The following ADARB2 variants were observed in gnomAD, a reference collection of about 807,000 sequenced individuals.
ADARB2 encodes inactive double-stranded RNA-specific editase B2.
Under a neutral mutation model 62.2 loss-of-function variants are expected in ADARB2, and 25 were observed. That is an observed-to-expected ratio of 0.40 (90% confidence interval 0.29 to 0.56). The LOEUF is 0.56. ADARB2 is among the 20% of genes least tolerant of loss of function. The probability of loss-of-function intolerance (pLI) is 0.43; values close to 1 mark genes in which losing one functional copy is unlikely to be tolerated. For synonymous variants in ADARB2, 572 were observed against 500.8 expected, an observed-to-expected ratio of 1.14 and a Z score of -1.90; for missense variants, 1,071 against 1,077.4, an observed-to-expected ratio of 0.99 and a Z score of 0.08.
intron 1 of ADARB2, among the ~76,000 whole-genome samples, chr10:1,611,102 A>G (rs762900176): frequency 2.0e-5 from 3 of 152,100 alleles, no homozygotes; most frequent in Non-Finnish European, 2.9e-5. Flanking sequence ...CTCCCCAAAC[A>G]TACAAAGGGC....
chr10:1,458,413 T>A (rs907613980), intron 1 of ADARB2, among the ~76,000 whole-genome samples: 12 of 152,152 alleles, frequency 7.9e-5, no homozygotes, highest in Admixed American at 1.3e-4. Context: ...GGCTTTTCTA[T>A]GAAATTAAGC....
chr10:1,418,195 G>C (rs992127390), intron 1 of ADARB2, among the ~76,000 whole-genome samples: 1 of 152,196 alleles, frequency 6.6e-6, no homozygotes, highest in Non-Finnish European at 1.5e-5. Flanking sequence ...TTTTGTTAAA[G>C]TGTCCACAGA....
chr10:1,242,402 A>G (rs1032638970), intron 4 of ADARB2, 103 bp from the exon 5 acceptor site: 1 of 1,376,640 alleles, frequency 7.3e-7, no homozygotes, highest in African/African-American at 1.5e-5. Context: ...TGGGTTAGGA[A>G]ACCTTGGAAA....
intron 2 of ADARB2, among the ~76,000 whole-genome samples, chr10:1,371,347 G>T (rs1832370331): frequency 6.6e-6 from 1 of 152,114 alleles, no homozygotes; most frequent in Non-Finnish European, 1.5e-5. Flanking sequence ...AATCCTACAA[G>T]AAAACCTAGG....
chr10:1,333,657 C>T (rs535575708), intron 3 of ADARB2, among the ~76,000 whole-genome samples: 1 of 152,104 alleles, frequency 6.6e-6, no homozygotes, highest in Non-Finnish European at 1.5e-5. Context: ...AGAAAGGAGG[C>T]TGGGGAAAGA....
chr10:1,349,867 C>T (rs1002935470), intron 3 of ADARB2, among the ~76,000 whole-genome samples: 3 of 152,122 alleles, frequency 2.0e-5, no homozygotes, highest in African/African-American at 7.2e-5. Context: ...CTTGGTCATT[C>T]ACCCACGTTC....
chr10:1,586,587 C>T (rs1455046563), intron 1 of ADARB2, among the ~76,000 whole-genome samples: 1 of 152,200 alleles, frequency 6.6e-6, no homozygotes, highest in Non-Finnish European at 1.5e-5. Context: ...ATCTGCTCAC[C>T]TTACTCAATC....
At chr10:1,213,758 A>C (rs1837192546) in intron 7 of ADARB2, among the ~76,000 whole-genome samples, 1 of 152,210 alleles carries the variant, frequency 6.6e-6, no homozygotes, top group Admixed American at 6.5e-5. Context: ...GAAGCAGTGT[A>C]GACCTTTGTT....
chr10:1,278,955 G>A (rs545980911), intron 3 of ADARB2, among the ~76,000 whole-genome samples: 3 of 152,254 alleles, frequency 2.0e-5, no homozygotes, highest in Admixed American at 6.5e-5. Flanking sequence ...CTGCGTGTAT[G>A]GATAAGTGAA....
chr10:1,408,108 T>A (rs150682745), intron 1 of ADARB2, among the ~76,000 whole-genome samples: 105 of 152,342 alleles, frequency 6.9e-4, no homozygotes, highest in African/African-American at 2.5e-3. Flanking sequence ...GAAATTGGAT[T>A]TAATTTGTAA....
intron 1 of ADARB2, among the ~76,000 whole-genome samples, chr10:1,694,053 G>A (rs537837533): frequency 1.3e-5 from 2 of 152,302 alleles, no homozygotes; most frequent in East Asian, 3.9e-4. Flanking sequence ...TCGACTTCTT[G>A]GAGCCTTTAA....
chr10:1,602,576 G>T (rs12778518), intron 1 of ADARB2, among the ~76,000 whole-genome samples: 35,286 of 152,056 alleles, frequency 0.23, 4,274 homozygotes, highest in Non-Finnish European at 0.26. Context: ...GGCTATCCTG[G>T]CTATTTCCTC....
rs149185204 is a variant in ADARB2 at position 1,270,522 on chromosome 10, C to T, written c.1192+433G>A. 8.9e-4 allele frequency among the ~76,000 whole-genome samples: 136 copies of T among 152,330 alleles called. 3 individuals are homozygous for T. The East Asian group carries it at 0.011, about 12-fold the overall frequency. ...CCCCATCCTGGCTGACTGGAGAGGA[C>T]GCCTTCTTGGCTCTCAGCATGCCCC... is the stretch of plus-strand genomic sequence containing the variant. On this transcript the variant is annotated intron_variant, in intron 4 of 9. Transcript: ENST00000381312.
intron 5 of ADARB2, chr10:1,240,393 C>G (rs555041953): frequency 1.3e-5 from 2 of 152,452 alleles, no homozygotes; most frequent in Admixed American, 6.6e-5. Context: ...TACCTTCTGC[C>G]GGTCTTGCTG....
chr10:1,596,153 G>A (rs1249646912), intron 1 of ADARB2, among the ~76,000 whole-genome samples: 1 of 152,220 alleles, frequency 6.6e-6, no homozygotes, highest in African/African-American at 2.4e-5. Context: ...TCTTTAGGAT[G>A]ATTGTCTTCT....
chr10:1,509,087 G>A (rs895766707), intron 1 of ADARB2, among the ~76,000 whole-genome samples: 4 of 152,170 alleles, frequency 2.6e-5, no homozygotes, highest in Admixed American at 6.5e-5. Flanking sequence ...TAAAAACCTC[G>A]ATAATCGTGC....
intron 4 of ADARB2, among the ~76,000 whole-genome samples, chr10:1,249,616 G>GCGCACA (rs1554748542): frequency 2.2e-3 from 327 of 147,450 alleles, no homozygotes; most frequent in African/African-American, 7.3e-3. Flanking sequence ...GTGATTTTAT[G>GCGCACA]CACACACACA....
In ADARB2 at chr10:1,177,744, T is replaced by C. The variant is rs923270439; in HGVS notation, c.*5449A>G. ...GATGATGAGTTGGGAAATAAAGTGTTCCTCTCACCAGGGTTTGATCTGTCT... is the reference window on the plus strand; with the variant it reads ...GATGATGAGTTGGGAAATAAAGTGTCCCTCTCACCAGGGTTTGATCTGTCT... On this transcript the variant is annotated 3_prime_UTR_variant, in exon 10 of 10. Transcript: ENST00000381312. 1 of 152,236 alleles carries C rather than the reference T, an allele frequency of 6.6e-6. No homozygotes were observed. The highest frequency in any genetic ancestry group is 2.4e-5 in the African/African-American group (1 of 41,446). The allele number at this position is 152,236 out of a possible 1,614,324, so 9.4% of individuals were successfully genotyped here.
intron 1 of ADARB2, among the ~76,000 whole-genome samples, chr10:1,481,834 A>G (rs553095620): frequency 2.7e-4 from 40 of 146,922 alleles, no homozygotes; most frequent in Middle Eastern, 3.5e-3. Flanking sequence ...TCCAGCCTGG[A>G]CGACAGAGTG....
Sources: allele counts gnomAD v4.1 joint callset (sites outside exome capture counted in the v4.1 genomes callset), GRCh38; gene constraint gnomAD v4.1.1; transcripts MANE v1.5; gene names NCBI Gene and HGNC (gene_info 2026-07-23, HGNC 2026-07-21).